Variants in BICD1 observed in about 807,000 individuals in gnomAD.
BICD1 encodes protein bicaudal D homolog 1.
Under a neutral mutation model 92.5 loss-of-function variants are expected in BICD1, and 35 were observed. The ratio of observed to expected loss-of-function variants is 0.38; its 90% CI spans 0.29 to 0.50. The LOEUF (loss-of-function observed/expected upper bound fraction) is 0.50. Among genes scored for constraint, BICD1 ranks in the 20% least tolerant of loss-of-function variants. The probability of loss-of-function intolerance (pLI) is 0.93; values close to 1 mark genes in which losing one functional copy is unlikely to be tolerated. For missense variants in BICD1, 950 were observed against 1,189.8 expected (o/e 0.80, Z 2.97); for synonymous variants, 429 against 465.1 (o/e 0.92, Z 1.00).
intron 2 of BICD1, among the ~76,000 whole-genome samples, chr12:32,279,649 T>C (rs752147941): frequency 3.3e-5 from 5 of 152,232 alleles, no homozygotes; most frequent in Non-Finnish European, 7.3e-5. Flanking sequence ...TTGCTTATGA[T>C]AAATGTTTGA....
chr12:32,269,083 C>T (rs934452642), intron 2 of BICD1, among the ~76,000 whole-genome samples: 1 of 151,962 alleles, frequency 6.6e-6, no homozygotes, highest in Non-Finnish European at 1.5e-5. Flanking sequence ...GATGTTGATA[C>T]TGCTGGTTCT....
intron 1 of BICD1, among the ~76,000 whole-genome samples, chr12:32,168,236 T>TA (rs1943829921): frequency 6.6e-6 from 1 of 152,202 alleles, no homozygotes; most frequent in Non-Finnish European, 1.5e-5. Context: ...AACTGGGAAA[T>TA]ACCAGATTGC....
chr12:32,181,400 A>G (rs1944269388), intron 1 of BICD1, among the ~76,000 whole-genome samples: 1 of 151,412 alleles, frequency 6.6e-6, no homozygotes, highest in Non-Finnish European at 1.5e-5. Flanking sequence ...AGCCTGGGCA[A>G]CAGAGCGAGA....
chr12:32,162,226 T>G (rs749640091), intron 1 of BICD1, among the ~76,000 whole-genome samples: 15 of 152,230 alleles, frequency 9.9e-5, no homozygotes, highest in Non-Finnish European at 1.9e-4. Context: ...GTATGAAATG[T>G]GCAGGTTTTA....
chr12:32,169,766 C>CT (rs996217792), intron 1 of BICD1, among the ~76,000 whole-genome samples: 4 of 151,904 alleles, frequency 2.6e-5, no homozygotes, highest in African/African-American at 9.7e-5. Flanking sequence ...GATACACTTC[C>CT]TTTTTTTGAG....
At chr12:32,138,550 A>G (rs1257152675) in intron 1 of BICD1, among the ~76,000 whole-genome samples, 1 of 152,114 alleles carries the variant, frequency 6.6e-6, no homozygotes, top group Non-Finnish European at 1.5e-5. Flanking sequence ...CTTTATATAA[A>G]CCATATTTTG....
rs574935320 is a variant in BICD1 at position 32,148,809 on chromosome 12, C to T, written c.213+41265C>T. ...CTGAGGTGGGAGAAACACTTGAGGT[C>T]AGGAGTTTCAGACCAGCCTAGGCAA... is the stretch of plus-strand genomic sequence containing the variant. On this transcript the variant is annotated intron_variant, in intron 1 of 9. Coordinates refer to ENST00000652176, the MANE Select transcript of BICD1 (RefSeq NM_001714.4). 3.8e-4 allele frequency among the ~76,000 whole-genome samples: 58 copies of T among 152,222 alleles called. 1 individual carries two copies. Among genetic ancestry groups the T allele is most frequent in the African/African-American group, 1.2e-3 (50 of 41,538 alleles).
intron 2 of BICD1, among the ~76,000 whole-genome samples, chr12:32,222,961 T>A (rs261886): frequency 0.62 from 94,870 of 152,064 alleles, 30,279 homozygotes; most frequent in East Asian, 0.89. Context: ...TGTGTTTTTA[T>A]AAATTCTAAT....
intron 2 of BICD1, among the ~76,000 whole-genome samples, chr12:32,272,676 G>C (rs1159746094): frequency 2.0e-5 from 3 of 152,092 alleles, no homozygotes; most frequent in Non-Finnish European, 4.4e-5. Flanking sequence ...ATACCAAAAA[G>C]TTAGCTGGGC....
chr12:32,330,615 G>T (rs1467202300), intron 5 of BICD1, among the ~76,000 whole-genome samples: 1 of 151,056 alleles, frequency 6.6e-6, no homozygotes, highest in Non-Finnish European at 1.5e-5. Context: ...AAAAAGAAAA[G>T]ATTAGAGTGA....
chr12:32,296,493 A>T (rs1295054393), intron 3 of BICD1, among the ~76,000 whole-genome samples: 1 of 151,354 alleles, frequency 6.6e-6, no homozygotes, highest in African/African-American at 2.4e-5. Flanking sequence ...TCCTGACCTC[A>T]TGATCTGCCC....
chr12:32,357,075 G>C (rs112167007), intron 8 of BICD1, among the ~76,000 whole-genome samples: 9 of 149,422 alleles, frequency 6.0e-5, no homozygotes, highest in African/African-American at 2.0e-4. Flanking sequence ...GTGATGGCGC[G>C]ATCTCGGCTC....
chr12:32,131,435 A>G (rs1016078567), intron 1 of BICD1, among the ~76,000 whole-genome samples: 2 of 152,208 alleles, frequency 1.3e-5, no homozygotes, highest in Non-Finnish European at 2.9e-5. Context: ...TGGTCCTACC[A>G]TAGCTTTACT....
At chr12:32,238,857 T>G (rs1318042212) in intron 2 of BICD1, among the ~76,000 whole-genome samples, 2 of 146,686 alleles carry the variant, frequency 1.4e-5, no homozygotes, top group African/African-American at 5.1e-5. Context: ...GGCAGGAGAA[T>G]CGATTGAACC....
intron 4 of BICD1, among the ~76,000 whole-genome samples, chr12:32,316,431 C>T (rs958416515): frequency 1.3e-5 from 2 of 151,738 alleles, no homozygotes. Flanking sequence ...GCTGGGAATA[C>T]AGGCACGTGC....
At chr12:32,117,707 T>TACACACAC (rs1375369579) in intron 1 of BICD1, among the ~76,000 whole-genome samples, 1 of 63,536 alleles carries the variant, frequency 1.6e-5, no homozygotes, top group African/African-American at 8.6e-5. Context: ...TACACAAATA[T>TACACACAC]ATATACACAC....
intron 2 of BICD1, among the ~76,000 whole-genome samples, chr12:32,283,197 A>G (rs1371999537): frequency 3.9e-5 from 6 of 152,242 alleles, no homozygotes; most frequent in Non-Finnish European, 8.8e-5. Context: ...AACATGTAGT[A>G]TGACCACTGG....
intron 1 of BICD1, among the ~76,000 whole-genome samples, chr12:32,149,656 A>G (rs781001315): frequency 4.6e-5 from 7 of 152,218 alleles, no homozygotes; most frequent in Non-Finnish European, 8.8e-5. Flanking sequence ...ACTTAGGAGA[A>G]TTCTGGTCAT....
At chr12:32,108,461 G>T in intron 1 of BICD1, 2 of 448,902 alleles carry the variant, frequency 4.5e-6, no homozygotes, top group Non-Finnish European at 8.0e-6. Context: ...TAAGTAACTC[G>T]GTCTTTTTTA....
Sources: gnomAD v4.1 joint callset for allele counts (sites outside exome capture counted in the v4.1 genomes callset) on GRCh38, gnomAD v4.1.1 for gene constraint, MANE v1.5 for transcripts, NCBI Gene and HGNC (gene_info 2026-07-23, HGNC 2026-07-21) for gene names.